S100A8: variants seen among roughly 807,000 people sequenced by gnomAD.
S100A8 encodes S100 calcium binding protein A8, also known as protein S100-A8.
Under a neutral mutation model 4.2 loss-of-function variants are expected in S100A8, and 1 was observed. The ratio of observed to expected loss-of-function variants is 0.24; its 90% confidence interval spans 0.08 to 1.12. The LOEUF (loss-of-function observed/expected upper bound fraction) is 1.12. Among genes scored for constraint, S100A8 ranks in the 50% most tolerant of loss-of-function variants. S100A8 has a pLI of 0.53. For synonymous variants in S100A8, 41 were observed against 44.7 expected (o/e 0.92, Z 0.33); for missense variants, 96 against 111.8 (o/e 0.86, Z 0.64).
At chr1:153,410,091 C>T in the S100A8 span, among the ~76,000 whole-genome samples, 14 of 152,104 alleles carry the variant, frequency 9.2e-5, no homozygotes, top group African/African-American at 3.4e-4. Context: ...AGAGCAAACA[C>T]ATTCAAAAGC....
the S100A8 span, chr1:153,420,842 T>G: frequency 6.6e-6 from 1 of 151,780 alleles, no homozygotes; most frequent in South Asian, 2.1e-4. Flanking sequence ...CAGCCTGCCC[T>G]CCATCATCCA....
In S100A8 at chr1:153,390,548, C is replaced by G. The variant is rs753914592; in HGVS notation, c.-13G>C. On this transcript the variant is annotated 5_prime_UTR_variant, in exon 2 of 3. Transcript: ENST00000368733. ...GCTCGGTCAACATGATGCCCACGGA[C>G]TTGCCCCACCTGAAAAACAGAACCT... The G allele has an allele frequency of 6.8e-6, 11 of 1,613,992 alleles. No homozygotes were observed. The highest frequency in any genetic ancestry group is 9.3e-6 in the Non-Finnish European group (11 of 1,179,912).
At chr1:153,416,619 A>G in the S100A8 span, 6 of 436,304 alleles carry the variant, frequency 1.4e-5, no homozygotes, top group Non-Finnish European at 2.3e-5. Flanking sequence ...CCAGCCTGCC[A>G]TGCTGCCTGT....
At chr1:153,401,149 A>C in the S100A8 span, among the ~76,000 whole-genome samples, 1 of 152,242 alleles carries the variant, frequency 6.6e-6, no homozygotes, top group African/African-American at 2.4e-5. Context: ...ATGCTTAATC[A>C]ATGCTAGCCT....
At chr1:153,407,443 C>T in the S100A8 span, among the ~76,000 whole-genome samples, 1 of 152,202 alleles carries the variant, frequency 6.6e-6, no homozygotes, top group African/African-American at 2.4e-5. Context: ...ATTTCTGAGG[C>T]TTGAGTAGGT....
At chr1:153,416,823 G>C in the S100A8 span, among the ~76,000 whole-genome samples, 1 of 152,236 alleles carries the variant, frequency 6.6e-6, no homozygotes, top group African/African-American at 2.4e-5. Flanking sequence ...AGTGGGACCT[G>C]AGCACAGGAC....
At chr1:153,395,955 G>A (rs372257463), upstream of S100A8, among the ~76,000 whole-genome samples, 14 of 152,220 alleles carry the variant, frequency 9.2e-5, no homozygotes, top group Non-Finnish European at 1.5e-4. Flanking sequence ...GGATGCTGTC[G>A]GAGCGGCATG....
the S100A8 span, chr1:153,418,232 G>A: frequency 6.2e-7 from 1 of 1,613,878 alleles, no homozygotes. Flanking sequence ...GTGTGAGTTG[G>A]GGTCTAGCTT....
At position 153,390,348 on chromosome 1, in the gene S100A8, C is replaced by G. The variant is rs199736559; in HGVS notation, c.141+47G>C. 4.0e-3 allele frequency: 6,420 copies of G among 1,607,458 alleles called. 13 individuals are homozygous for G. The highest frequency in any genetic ancestry group is 5.1e-3 in the Non-Finnish European group (5,951 of 1,174,986). On this transcript the variant is annotated intron_variant, in intron 2 of 2. Transcript: ENST00000368733. ...AGGGAGGACCGCTGGCCCAGGGCAG[C>G]CCCAGGACCAGGCAGAGAGCCCCCG...
chr1:153,391,937 C>G (rs1662109834), upstream of S100A8, among the ~76,000 whole-genome samples: 1 of 152,164 alleles, frequency 6.6e-6, no homozygotes, highest in East Asian at 1.9e-4. Context: ...GCGCTTCATG[C>G]CTAAGAGGAG....
chr1:153,411,347 C>G, the S100A8 span, among the ~76,000 whole-genome samples: 15 of 152,038 alleles, frequency 9.9e-5, no homozygotes, highest in Non-Finnish European at 1.8e-4. Flanking sequence ...CAGACAAACA[C>G]AGAGCCAAAT....
the S100A8 span, among the ~76,000 whole-genome samples, chr1:153,411,969 C>A: frequency 3.3e-5 from 5 of 152,080 alleles, no homozygotes; most frequent in Admixed American, 6.6e-5. Context: ...TTACACCTTA[C>A]ACAAAAATTA....
At chr1:153,418,975 C>T in the S100A8 span, among the ~76,000 whole-genome samples, 2 of 152,106 alleles carry the variant, frequency 1.3e-5, no homozygotes, top group Non-Finnish European at 1.5e-5. Context: ...CCAGGGATAA[C>T]ACTCACGTCC....
chr1:153,417,321 A>T, the S100A8 span: 1 of 152,070 alleles, frequency 6.6e-6, no homozygotes, highest in African/African-American at 2.4e-5. Context: ...TTGGTGATTC[A>T]GAGGGTGCAG....
chr1:153,410,312 C>T, the S100A8 span, among the ~76,000 whole-genome samples: 2 of 152,266 alleles, frequency 1.3e-5, no homozygotes, highest in Admixed American at 1.3e-4. Context: ...CCACCGATCC[C>T]ACAGAAAGAC....
At chr1:153,422,582 C>T in the S100A8 span, 57 of 973,970 alleles carry the variant, frequency 5.9e-5, no homozygotes, top group Non-Finnish European at 6.8e-5. Context: ...GATATCAAAA[C>T]ATTCCAATAA....
At chr1:153,407,311 G>A in the S100A8 span, among the ~76,000 whole-genome samples, 1 of 152,228 alleles carries the variant, frequency 6.6e-6, no homozygotes, top group Non-Finnish European at 1.5e-5. Context: ...CAGCACACCA[G>A]GAGATCATAT....
chr1:153,401,269 A>G, the S100A8 span, among the ~76,000 whole-genome samples: 1 of 151,990 alleles, frequency 6.6e-6, no homozygotes, highest in East Asian at 1.9e-4. Flanking sequence ...TTTAATGTCA[A>G]CTCTTCCTTA....
the S100A8 span, among the ~76,000 whole-genome samples, chr1:153,399,938 A>G: frequency 6.6e-5 from 10 of 152,304 alleles, no homozygotes; most frequent in East Asian, 1.9e-3. Flanking sequence ...GAGAAGTTAG[A>G]AGAAACAAGG....
Sources: allele counts gnomAD v4.1 joint callset (sites outside exome capture counted in the v4.1 genomes callset), GRCh38; gene constraint gnomAD v4.1.1; transcripts MANE v1.5; gene names NCBI Gene and HGNC (gene_info 2026-07-23, HGNC 2026-07-21).